Variants in NREP observed in about 807,000 individuals in gnomAD.
The protein encoded by NREP is neuronal regeneration related protein.
A neutral mutation model predicts 8.6 loss-of-function variants in NREP; 5 were observed. The observed-to-expected ratio is 0.58, with a 90% CI of 0.30 to 1.22. The LOEUF is 1.22. NREP is among the 50% of genes most tolerant of loss of function. NREP has a pLI of 0.07. For synonymous variants in NREP, 27 were observed against 28.0 expected (o/e 0.96, Z 0.11); for missense variants, 86 against 82.5 (o/e 1.04, Z -0.17).
Position 111,730,048 on chromosome 5 carries a change from A to G in NREP, c.*873T>C, listed in dbSNP as rs981862265. 2 of 152,346 alleles carry G rather than the reference A, an allele frequency of 1.3e-5. No homozygotes were observed. The highest frequency in any genetic ancestry group is 4.8e-5 in the African/African-American group (2 of 41,258). The allele number at this position is 152,346 out of a possible 1,614,324, so 9.4% of individuals were successfully genotyped here. Reference sequence around the variant, plus strand: ...TAAAATTATTGCTTTTCTTTCTCTAAGTCAGGCAGGCGAGGCTACGGAAAG... The same window carrying G: ...TAAAATTATTGCTTTTCTTTCTCTAGGTCAGGCAGGCGAGGCTACGGAAAG... On this transcript the variant is annotated 3_prime_UTR_variant, in exon 4 of 4. Coordinates refer to ENST00000257435, the MANE Select transcript of NREP (RefSeq NM_004772.4).
In NREP at chr5:111,731,236, G is replaced by A. The variant is rs73787355; in HGVS notation, c.82-190C>T. Among the ~76,000 whole-genome samples, 1,327 of 152,220 alleles carry A rather than the reference G, an allele frequency of 8.7e-3. 24 individuals carry two copies. Among genetic ancestry groups the A allele is most frequent in the African/African-American group, 0.03 (1,238 of 41,520 alleles). ...ACCTGAATGTAAATATTAGGTCTGT[G>A]AGGAAATGAAGTAATTAAACACTGG... On this transcript the variant is annotated intron_variant, in intron 3 of 3. Transcript: ENST00000257435.
intron 2 of NREP, among the ~76,000 whole-genome samples, chr5:111,878,916 A>AC (rs1363643940): frequency 2.0e-5 from 3 of 151,740 alleles, no homozygotes; most frequent in Admixed American, 2.0e-4. Context: ...TACTCCTTCA[A>AC]CCCCCACTAT....
chr5:111,786,577 C>T (rs1407807526), intron 2 of NREP, among the ~76,000 whole-genome samples: 1 of 152,102 alleles, frequency 6.6e-6, no homozygotes, highest in African/African-American at 2.4e-5. Context: ...TCACATGTTT[C>T]TCAGATATAA....
chr5:111,949,510 G>C (rs1009519406), intron 2 of NREP, among the ~76,000 whole-genome samples: 1 of 151,840 alleles, frequency 6.6e-6, no homozygotes, highest in African/African-American at 2.4e-5. Flanking sequence ...TTTAAGTTCT[G>C]GGATACATGT....
chr5:111,924,166 G>A (rs1755320978), intron 2 of NREP, among the ~76,000 whole-genome samples: 1 of 152,138 alleles, frequency 6.6e-6, no homozygotes, highest in South Asian at 2.1e-4. Context: ...GCAAAGCTGG[G>A]CCTTGGATTT....
chr5:111,731,610 T>C (rs1309878586), intron 3 of NREP, among the ~76,000 whole-genome samples: 1 of 152,098 alleles, frequency 6.6e-6, no homozygotes, highest in Non-Finnish European at 1.5e-5. Context: ...GAAGTGTCTG[T>C]CTGGGAGAGA....
chr5:111,913,156 G>C (rs991617837), intron 2 of NREP, among the ~76,000 whole-genome samples: 10 of 152,108 alleles, frequency 6.6e-5, no homozygotes, highest in Admixed American at 6.6e-4. Context: ...AGGCAGGATA[G>C]AAGGTTCAGA....
chr5:111,965,427 C>A (rs1044775156), intron 2 of NREP, among the ~76,000 whole-genome samples: 1 of 152,108 alleles, frequency 6.6e-6, no homozygotes, highest in Non-Finnish European at 1.5e-5. Context: ...CTTTTGCTGT[C>A]ATTAAATATG....
At chr5:111,915,235 G>C (rs891440626) in intron 2 of NREP, among the ~76,000 whole-genome samples, 3 of 152,140 alleles carry the variant, frequency 2.0e-5, no homozygotes, top group Admixed American at 6.6e-5. Context: ...GACAATGAAA[G>C]TCCAGTGTTC....
chr5:111,789,024 C>A (rs189459094), intron 2 of NREP, among the ~76,000 whole-genome samples: 2 of 152,356 alleles, frequency 1.3e-5, no homozygotes, highest in Admixed American at 1.3e-4. Context: ...CCTTCAGACT[C>A]CAAGTGGGAC....
intron 2 of NREP, among the ~76,000 whole-genome samples, chr5:111,762,731 C>A (rs1304290669): frequency 1.3e-5 from 2 of 152,262 alleles, no homozygotes; most frequent in Non-Finnish European, 2.9e-5. Context: ...GTCTCCAGAA[C>A]TGTAAAGAAA....
At chr5:111,776,017 C>A (rs927532830) in intron 2 of NREP, among the ~76,000 whole-genome samples, 2 of 152,216 alleles carry the variant, frequency 1.3e-5, no homozygotes, top group South Asian at 4.2e-4. Context: ...TAATTTATAA[C>A]TACTGGATTA....
chr5:111,856,570 C>T (rs961953371), intron 2 of NREP, among the ~76,000 whole-genome samples: 3 of 152,036 alleles, frequency 2.0e-5, no homozygotes, highest in South Asian at 2.1e-4. Context: ...AATTCCAGAG[C>T]CCATGTTAGT....
intron 2 of NREP, among the ~76,000 whole-genome samples, chr5:111,944,555 C>G (rs1755924157): frequency 6.6e-6 from 1 of 152,116 alleles, no homozygotes; most frequent in Non-Finnish European, 1.5e-5. Context: ...CAGTCCACAG[C>G]CTTGGGCTCC....
intron 2 of NREP, among the ~76,000 whole-genome samples, chr5:111,834,528 C>T (rs1351663391): frequency 2.0e-5 from 3 of 152,176 alleles, no homozygotes; most frequent in Non-Finnish European, 4.4e-5. Context: ...CATATCCAAA[C>T]AAACTATTTT....
intron 2 of NREP, among the ~76,000 whole-genome samples, chr5:111,781,763 A>G (rs184078953): frequency 2.4e-4 from 36 of 152,298 alleles, no homozygotes; most frequent in Non-Finnish European, 3.8e-4. Flanking sequence ...TTAGATTTCA[A>G]GTACTATTCT....
intron 2 of NREP, among the ~76,000 whole-genome samples, chr5:111,951,847 C>T (rs1398854906): frequency 3.3e-5 from 5 of 151,890 alleles, no homozygotes; most frequent in South Asian, 2.1e-4. Flanking sequence ...TCCATGTTTG[C>T]GAGGTATGCC....
intron 2 of NREP, among the ~76,000 whole-genome samples, chr5:111,934,617 A>T (rs1755630904): frequency 6.6e-6 from 1 of 152,082 alleles, no homozygotes; most frequent in Non-Finnish European, 1.5e-5. Context: ...TGCTCAGAGA[A>T]TTCTCCTTGA....
intron 2 of NREP, among the ~76,000 whole-genome samples, chr5:111,861,745 A>G (rs1241719129): frequency 1.6e-4 from 25 of 152,304 alleles, no homozygotes; most frequent in Admixed American, 1.4e-3. Context: ...TAGCTTGGAT[A>G]TAGTAGGTAT....
Sources: allele counts gnomAD v4.1 joint callset (sites outside exome capture counted in the v4.1 genomes callset), GRCh38; gene constraint gnomAD v4.1.1; transcripts MANE v1.5; gene names NCBI Gene and HGNC (gene_info 2026-07-23, HGNC 2026-07-21).